The following SYPL1 variants were observed in gnomAD, a reference collection of about 807,000 sequenced individuals.
SYPL1 encodes the protein synaptophysin like 1, also known as synaptophysin-like protein 1.
In SYPL1, 6 loss-of-function variants were observed where a neutral mutation model predicts 23.7. That is an observed-to-expected ratio of 0.25 (90% confidence interval 0.14 to 0.50). The LOEUF is 0.50. Among genes scored for constraint, SYPL1 ranks in the 20% least tolerant of loss-of-function variants. The pLI is 0.98. For missense variants in SYPL1, 253 were observed against 288.9 expected (o/e 0.88, Z 0.90); for synonymous variants, 102 against 104.5 (o/e 0.98, Z 0.15).
rs139073063 is a variant in SYPL1, at chr7:106,101,177, C to G, written c.70-1895G>C. 4.3e-3 allele frequency among the ~76,000 whole-genome samples: 648 copies of G among 152,214 alleles called. 6 individuals carry two copies. The highest frequency in any genetic ancestry group is 0.015 in the African/African-American group (625 of 41,578). ...CCCTCTACTCTATTTCTGCTCTGTTCTAATTACCACTGCTTGACACAGTAC... is the reference window on the plus strand; with the variant it reads ...CCCTCTACTCTATTTCTGCTCTGTTGTAATTACCACTGCTTGACACAGTAC... On this transcript the variant is annotated intron_variant, in intron 1 of 4. Coordinates refer to ENST00000455385, the MANE Select transcript of SYPL1 (RefSeq NM_182715.4).
intron 3 of SYPL1, among the ~76,000 whole-genome samples, chr7:106,094,628 C>T (rs1197048175): frequency 2.0e-5 from 3 of 152,156 alleles, no homozygotes; most frequent in Non-Finnish European, 4.4e-5. Context: ...ATTTTCTAAA[C>T]GCTTGCTAGA....
At chr7:106,111,592 C>T (rs1215811474) in intron 1 of SYPL1, among the ~76,000 whole-genome samples, 1 of 152,224 alleles carries the variant, frequency 6.6e-6, no homozygotes, top group Non-Finnish European at 1.5e-5. Flanking sequence ...TCTTTAGTTT[C>T]CCTGGCCCAC....
At chr7:106,111,115 G>GT (rs945028691) in intron 1 of SYPL1, among the ~76,000 whole-genome samples, 1 of 152,206 alleles carries the variant, frequency 6.6e-6, no homozygotes, top group African/African-American at 2.4e-5. Flanking sequence ...CCCTTGCGCG[G>GT]TTACAATGGT....
At chr7:106,107,960 C>T (rs531940727) in intron 1 of SYPL1, among the ~76,000 whole-genome samples, 30 of 151,910 alleles carry the variant, frequency 2.0e-4, no homozygotes, top group Admixed American at 3.9e-4. Context: ...TTGGGGAGGC[C>T]GAGGCGGGTG....
Position 106,112,178 on chromosome 7 carries a change from GC to G in SYPL1, c.30del (p.Leu11SerfsTer34). On this transcript the variant is annotated frameshift_variant, in exon 1 of 5. Coordinates refer to ENST00000455385, the MANE Select transcript of SYPL1 (RefSeq NM_182715.4). LOFTEE classifies it high-confidence loss of function. MSGFQINLN[P>X]LKEPLGFIKV... ...TTGATGAAGCCGAGTGGCTCCTTGA[GC>G]GGGTTGAGGTTGATCTGGAAGCCGG... The G allele has an allele frequency of 6.5e-7, 1 of 1,545,622 alleles. No homozygotes were observed. The highest frequency in any genetic ancestry group is 8.8e-7 in the Non-Finnish European group (1 of 1,138,548).
Position 106,109,594 on chromosome 7 carries a change from G to A in SYPL1, c.69+2546C>T, listed in dbSNP as rs1443945976. On this transcript the variant is annotated intron_variant, in intron 1 of 4. Coordinates refer to ENST00000455385, the MANE Select transcript of SYPL1 (RefSeq NM_182715.4). The surrounding 1 kb of genome is among the most constrained non-coding windows in gnomAD (Gnocchi z 4.3). ...AAATTCTAGATCCATATATATAGCT[G>A]TATCCTATAGGATACCTCCAAAAGA... Among the ~76,000 whole-genome samples the A allele has an allele frequency of 6.6e-6, 1 of 152,006 alleles. No individual in the cohort carries two copies. Among genetic ancestry groups the A allele is most frequent in the African/African-American group, 2.4e-5 (1 of 41,356 alleles).
In SYPL1 at chr7:106,092,945, A is replaced by G. The variant is rs1839816496; in HGVS notation, c.591+4T>C. On this transcript the variant is annotated splice_donor_region_variant and intron_variant, in intron 4 of 4. Transcript: ENST00000455385. ...GAAAAAAATTATAAATAATGCATAC[A>G]TACCACAGATACATTTAGGGATCCC... 6.4e-7 allele frequency: 1 copy of G among 1,562,382 alleles called. No homozygotes were observed. The highest frequency in any genetic ancestry group is 8.6e-7 in the Non-Finnish European group (1 of 1,158,442).
At position 106,097,963 on chromosome 7, in the gene SYPL1, A is replaced by G. The variant is rs1157065087; in HGVS notation, c.195-66T>C. The G allele has an allele frequency of 7.5e-7, 1 of 1,336,116 alleles. No homozygotes were observed. The highest frequency in any genetic ancestry group is 1.0e-6 in the Non-Finnish European group (1 of 962,488). 82.8% of individuals were successfully genotyped at this position (1,336,116 alleles called of 1,614,324 possible). The stretch of plus-strand genomic sequence containing the variant: ...GAGACAGAAACATTTAAGCAAAACA[A>G]TGAGTGACACTTCAAAAAATACTCC... On this transcript the variant is annotated intron_variant, in intron 2 of 4. Coordinates refer to ENST00000455385, the MANE Select transcript of SYPL1 (RefSeq NM_182715.4). This position sits in a 1 kb window ranked among gnomAD's most constrained non-coding sequence, Gnocchi z 4.6.
At chr7:106,102,330 C>T (rs1585940555) in intron 1 of SYPL1, among the ~76,000 whole-genome samples, 1 of 152,148 alleles carries the variant, frequency 6.6e-6, no homozygotes, top group Middle Eastern at 3.2e-3. Flanking sequence ...TCCTGACCTC[C>T]GGTGATCCAC....
intron 1 of SYPL1, among the ~76,000 whole-genome samples, chr7:106,110,416 A>G (rs917920661): frequency 5.3e-5 from 8 of 152,152 alleles, no homozygotes; most frequent in African/African-American, 1.9e-4. Context: ...CATTTCTTCT[A>G]CTATTCTTTG....
At chr7:106,094,219 G>A (rs1400877205) in intron 3 of SYPL1, among the ~76,000 whole-genome samples, 1 of 152,110 alleles carries the variant, frequency 6.6e-6, no homozygotes, top group Non-Finnish European at 1.5e-5. Context: ...TATTTTGCCA[G>A]CCACCTTTTA....
chr7:106,112,525 G>T (rs1167306005), upstream of SYPL1: 11 of 1,517,762 alleles, frequency 7.2e-6, no homozygotes, highest in Non-Finnish European at 9.7e-6. Flanking sequence ...GATGTTGGGC[G>T]CCATACTGCG....
intron 1 of SYPL1, among the ~76,000 whole-genome samples, chr7:106,108,569 G>A (rs910927667): frequency 2.0e-5 from 3 of 152,022 alleles, no homozygotes; most frequent in African/African-American, 4.8e-5. Context: ...GAACATACAC[G>A]TTATCACAAA....
upstream of SYPL1, chr7:106,112,338 G>C: frequency 1.6e-6 from 2 of 1,252,888 alleles, no homozygotes; most frequent in South Asian, 3.2e-5. Flanking sequence ...AGGCGGGCCC[G>C]GGCGGCCGTG....
At chr7:106,108,423 G>A (rs1840727153) in intron 1 of SYPL1, among the ~76,000 whole-genome samples, 1 of 151,990 alleles carries the variant, frequency 6.6e-6, no homozygotes, top group South Asian at 2.1e-4. Context: ...TTTGATATAG[G>A]CTCAACTTGA....
chr7:106,106,643 G>A (rs1353570650), intron 1 of SYPL1, among the ~76,000 whole-genome samples: 2 of 151,880 alleles, frequency 1.3e-5, no homozygotes, highest in Admixed American at 1.3e-4. Context: ...CCAGGGGTTC[G>A]AGACTGGCCT....
intron 1 of SYPL1, among the ~76,000 whole-genome samples, chr7:106,107,125 A>T (rs1840642974): frequency 6.6e-6 from 1 of 152,242 alleles, no homozygotes; most frequent in Non-Finnish European, 1.5e-5. Context: ...GAGTGTTTAC[A>T]TGCAAAAGAA....
chr7:106,101,103 C>T (rs566867928), intron 1 of SYPL1, among the ~76,000 whole-genome samples: 40 of 152,266 alleles, frequency 2.6e-4, no homozygotes, highest in African/African-American at 9.4e-4. Flanking sequence ...AGACCTTCCC[C>T]TCACCACACT....
intron 1 of SYPL1, among the ~76,000 whole-genome samples, chr7:106,099,576 T>C (rs1364719334): frequency 6.6e-6 from 1 of 152,022 alleles, no homozygotes; most frequent in Non-Finnish European, 1.5e-5. Context: ...TGAATTTTAG[T>C]AGAGATGAGG....
Sources: allele counts gnomAD v4.1 joint callset (sites outside exome capture counted in the v4.1 genomes callset), GRCh38; gene constraint gnomAD v4.1.1; non-coding constraint Gnocchi (gnomAD v3.1); transcripts MANE v1.5; gene names NCBI Gene and HGNC (gene_info 2026-07-23, HGNC 2026-07-21).